The following EHMT1 variants were observed in gnomAD, a reference collection of about 807,000 sequenced individuals.
The protein encoded by EHMT1 is histone-lysine N-methyltransferase EHMT1.
In EHMT1, 15 loss-of-function variants were observed where a neutral mutation model predicts 147.2. The ratio of observed to expected loss-of-function variants is 0.10; its 90% CI spans 0.07 to 0.16. The LOEUF (loss-of-function observed/expected upper bound fraction) is 0.16. Among genes scored for constraint, EHMT1 ranks in the 10% least tolerant of loss-of-function variants. EHMT1 has a pLI of 1.00. For synonymous variants in EHMT1, 795 were observed against 709.6 expected (o/e 1.12, Z -1.91); for missense variants, 1,587 against 1,772.4 (o/e 0.90, Z 1.88).
chr9:137,721,203 C>T (rs1360464797), intron 3 of EHMT1, among the ~76,000 whole-genome samples: 3 of 127,006 alleles, frequency 2.4e-5, no homozygotes, highest in Admixed American at 7.7e-5. Flanking sequence ...CACACTCACC[C>T]CTCCCAGACT....
At chr9:137,715,871 T>G in intron 2 of EHMT1, 3 of 982,030 alleles carry the variant, frequency 3.1e-6, no homozygotes, top group Non-Finnish European at 3.6e-6. Context: ...TAGCAGTGAT[T>G]CCCCAAACTT....
chr9:137,728,601 T>C, intron 4 of EHMT1, 72 bp downstream of exon 4: 1 of 1,603,284 alleles, frequency 6.2e-7, no homozygotes, highest in Non-Finnish European at 8.5e-7. Flanking sequence ...CAGGTGAGAG[T>C]TCTGTTTGGC....
chr9:137,686,421 G>A (rs1446626681), intron 1 of EHMT1, among the ~76,000 whole-genome samples: 1 of 151,824 alleles, frequency 6.6e-6, no homozygotes, highest in Non-Finnish European at 1.5e-5. Context: ...GCAGGGTCTC[G>A]CTCAGTCACC....
At position 137,771,726 on chromosome 9, in the gene EHMT1, C is replaced by T. The variant is rs1564730283; in HGVS notation, c.1648-3383C>T. ...TTTGGCTACAGCAGTGCTGTTCCCA[C>T]CTTTGGACTTTGTCTGTTCATGCTT... On this transcript the variant is annotated intron_variant, in intron 10 of 26. Transcript: ENST00000460843. Among the ~76,000 whole-genome samples, 3 of 152,176 alleles carry T rather than the reference C, an allele frequency of 2.0e-5. No individual in the cohort carries two copies. In the South Asian group the frequency reaches 6.2e-4, roughly 31 times the overall value.
At chr9:137,704,462 A>G (rs748461271) in intron 1 of EHMT1, among the ~76,000 whole-genome samples, 1 of 152,068 alleles carries the variant, frequency 6.6e-6, no homozygotes, top group Admixed American at 6.6e-5. Context: ...GACATTTAAG[A>G]TAGTGTTTGG....
intron 1 of EHMT1, among the ~76,000 whole-genome samples, chr9:137,649,272 C>T (rs959450387): frequency 2.6e-5 from 4 of 152,032 alleles, no homozygotes; most frequent in African/African-American, 9.7e-5. Flanking sequence ...CCAGCCTGGT[C>T]AACATGGGGA....
rs1730427476 is a variant in EHMT1, at chr9:137,761,482, TC to T, written c.1502-1192del. Among the ~76,000 whole-genome samples, 5 of 152,266 alleles carry T rather than the reference TC, an allele frequency of 3.3e-5. No individual in the cohort carries two copies. In the South Asian group the frequency reaches 1.0e-3, roughly 32 times the overall value. ...GTTAATGTTTTTTTTTGAGACGGAG[TC>T]TCACTCTGTTGCCAGACTGGAGTGC... On this transcript the variant is annotated intron_variant, in intron 9 of 26. Transcript: ENST00000460843.
intron 1 of EHMT1, among the ~76,000 whole-genome samples, chr9:137,710,231 G>A (rs553220122): frequency 1.1e-3 from 166 of 152,174 alleles, no homozygotes; most frequent in Middle Eastern, 3.4e-3. Flanking sequence ...CAGCACTTTG[G>A]GAGGCTGAGG....
chr9:137,675,219 C>G (rs2134369184), intron 1 of EHMT1: 1 of 152,122 alleles, frequency 6.6e-6, no homozygotes, highest in African/African-American at 2.4e-5. Context: ...ATGGTAAGGT[C>G]ACAATTTTAG....
intron 1 of EHMT1, chr9:137,685,306 C>A (rs1467665015): frequency 6.6e-6 from 1 of 152,160 alleles, no homozygotes; most frequent in Non-Finnish European, 1.5e-5. Context: ...GACTTTTTGT[C>A]TCTGAATTTG....
intron 1 of EHMT1, among the ~76,000 whole-genome samples, chr9:137,659,556 ATTT>A (rs750059438): frequency 7.1e-6 from 1 of 140,868 alleles, no homozygotes; most frequent in Non-Finnish European, 1.6e-5. Flanking sequence ...CCTTTAAAAA[ATTT>A]TTTTTTTTTT....
chr9:137,698,547 G>A (rs1298361255), intron 1 of EHMT1, among the ~76,000 whole-genome samples: 1 of 152,146 alleles, frequency 6.6e-6, no homozygotes, highest in African/African-American at 2.4e-5. Flanking sequence ...AGGTAGAGTG[G>A]GCAGGGAGGT....
chr9:137,710,755 A>G (rs1944631572), intron 1 of EHMT1, among the ~76,000 whole-genome samples: 1 of 152,236 alleles, frequency 6.6e-6, no homozygotes, highest in South Asian at 2.1e-4. Flanking sequence ...CTTCAAAAAT[A>G]GAAATACAGG....
chr9:137,792,177 A>T, intron 16 of EHMT1: 1 of 457,448 alleles, frequency 2.2e-6, no homozygotes, highest in Admixed American at 2.6e-5. Flanking sequence ...ATATACGGCC[A>T]CAGTAATGAA....
At chr9:137,691,734 G>T (rs896428626) in intron 1 of EHMT1, among the ~76,000 whole-genome samples, 6 of 152,198 alleles carry the variant, frequency 3.9e-5, no homozygotes, top group Non-Finnish European at 8.8e-5. Context: ...GCACGCAAGG[G>T]TTCCAGCTTC....
intron 21 of EHMT1, 131 bp from the exon 22 acceptor site, chr9:137,814,300 A>G (rs947272447): frequency 1.1e-5 from 10 of 940,882 alleles, no homozygotes; most frequent in Non-Finnish European, 1.7e-5. Context: ...GAGGCCACAC[A>G]CTCACGTGGT....
chr9:137,775,275 T>C lies in EHMT1; in HGVS notation c.1791+23T>C, dbSNP rs1950874436. On this transcript the variant is annotated intron_variant, in intron 11 of 26. Transcript: ENST00000460843. The surrounding 1 kb of genome is among the most constrained non-coding windows in gnomAD (Gnocchi z 6.1). The stretch of plus-strand genomic sequence containing the variant: ...GCGGTAAGAGCCCAGTCCGGCAGCC[T>C]CTGAGTCCTCCGCAGGCTTTGCTGT... 1.2e-6 allele frequency: 2 copies of C among 1,606,442 alleles called. No homozygotes were observed. The highest frequency in any genetic ancestry group is 3.7e-4 in the Middle Eastern group (2 of 5,436).
At chr9:137,758,127 C>A (rs926567576) in intron 9 of EHMT1, 116 bp downstream of exon 9, 22 of 1,385,746 alleles carry the variant, frequency 1.6e-5, no homozygotes, top group Non-Finnish European at 2.2e-5. Context: ...ATCGGGTTAA[C>A]TGCATCACTT....
intron 10 of EHMT1, among the ~76,000 whole-genome samples, chr9:137,769,874 T>C (rs1436750597): frequency 6.6e-6 from 1 of 152,188 alleles, no homozygotes; most frequent in East Asian, 1.9e-4. Flanking sequence ...TCTTACTTTG[T>C]CACCCAGGCT....
Sources: allele counts gnomAD v4.1 joint callset (sites outside exome capture counted in the v4.1 genomes callset), GRCh38; gene constraint gnomAD v4.1.1; non-coding constraint Gnocchi (gnomAD v3.1); transcripts MANE v1.5; gene names NCBI Gene and HGNC (gene_info 2026-07-23, HGNC 2026-07-21).